The following SEM1 variants were observed in gnomAD, a reference collection of about 807,000 sequenced individuals.
SEM1 encodes SEM1 26S proteasome subunit, also known as 26S proteasome complex subunit SEM1.
A neutral mutation model predicts 12.7 loss-of-function variants in SEM1; 3 were observed. That is an observed-to-expected ratio of 0.24 (90% CI 0.11 to 0.61). SEM1 has a LOEUF of 0.61. Among genes scored for constraint, SEM1 ranks in the 20% least tolerant of loss-of-function variants. The pLI is 0.88. For synonymous variants in SEM1, 30 were observed against 27.8 expected, an observed-to-expected ratio of 1.08 and a Z score of -0.25; for missense variants, 59 against 81.3, an observed-to-expected ratio of 0.73 and a Z score of 1.06.
At chr7:96,646,095 T>C (rs1808784053) in intron 2 of SEM1, among the ~76,000 whole-genome samples, 1 of 152,210 alleles carries the variant, frequency 6.6e-6, no homozygotes, top group Non-Finnish European at 1.5e-5. Flanking sequence ...TAAGATGTAC[T>C]TCTCCATGGT....
chr7:96,655,196 A>G (rs955614206), intron 2 of SEM1, among the ~76,000 whole-genome samples: 1 of 152,276 alleles, frequency 6.6e-6, no homozygotes, highest in Admixed American at 6.5e-5. Flanking sequence ...ACCAGAGACT[A>G]AAATGTTTAA....
intron 2 of SEM1, among the ~76,000 whole-genome samples, chr7:96,543,980 C>T (rs1255051389): frequency 6.6e-6 from 1 of 152,054 alleles, no homozygotes; most frequent in African/African-American, 2.4e-5. Context: ...AATTTCTAAG[C>T]AGGAGTGTCC....
chr7:96,487,506 C>T lies in SEM1; in HGVS notation c.13-1089G>A, dbSNP rs80140989. Among the ~76,000 whole-genome samples the T allele has an allele frequency of 4.4e-4, 66 of 149,996 alleles. 1 individual carries two copies. In the East Asian group the frequency reaches 0.01, roughly 23 times the overall value. ...TGTGCCCTACGGTGAGTGGCTGACT[C>T]GCCTCACTCTAGTGCCAACCCTGTA... On this transcript the variant is annotated intron_variant, in intron 1 of 3. Transcript: ENST00000356686.
intron 2 of SEM1, chr7:96,486,146 G>A: frequency 7.7e-7 from 1 of 1,307,126 alleles, no homozygotes; most frequent in Non-Finnish European, 1.0e-6. Flanking sequence ...AAGACTTAGA[G>A]AGTTAATTTT....
chr7:96,578,148 C>G (rs1457696593), intron 2 of SEM1, among the ~76,000 whole-genome samples: 1 of 151,986 alleles, frequency 6.6e-6, no homozygotes, highest in African/African-American at 2.4e-5. Flanking sequence ...TCTAACAAAT[C>G]TCTAATCAAA....
intron 2 of SEM1, among the ~76,000 whole-genome samples, chr7:96,538,416 G>T (rs866227258): frequency 7.9e-5 from 12 of 151,796 alleles, no homozygotes; most frequent in Admixed American, 1.3e-4. Flanking sequence ...GAGGCAAATA[G>T]GCCTTCAGTG....
At chr7:96,684,695 G>C (rs1215805684), downstream of SEM1, among the ~76,000 whole-genome samples, 1 of 152,080 alleles carries the variant, frequency 6.6e-6, no homozygotes, top group Non-Finnish European at 1.5e-5. Context: ...GGGAAGACTG[G>C]AGGAAAGATC....
chr7:96,612,320 C>T (rs1807564827), intron 2 of SEM1, among the ~76,000 whole-genome samples: 1 of 152,160 alleles, frequency 6.6e-6, no homozygotes, highest in South Asian at 2.1e-4. Context: ...TCCTGCCAAC[C>T]AAGACATAGA....
In SEM1 at chr7:96,694,719, G is replaced by A. The variant is rs1269972244; in HGVS notation, c.170+79C>T. On this transcript the variant is annotated intron_variant, in intron 2 of 2. Transcript: ENST00000248566. ...TCAAAGATTAAGTAGCTTTTAAGAG[G>A]TTAATCATCTATGTAAATTACATAT... The A allele has an allele frequency of 7.5e-6, 7 of 934,650 alleles. No individual in the cohort carries two copies. In the Admixed American group the frequency reaches 1.1e-4, roughly 15 times the overall value. 57.9% of individuals were successfully genotyped at this position (934,650 alleles called of 1,614,324 possible).
At chr7:96,513,787 C>T (rs865992365) in intron 2 of SEM1, among the ~76,000 whole-genome samples, 5 of 152,070 alleles carry the variant, frequency 3.3e-5, no homozygotes, top group Middle Eastern at 3.4e-3. Flanking sequence ...GGAGATCATG[C>T]CACTGAACTC....
chr7:96,508,241 G>C (rs1014052417), intron 2 of SEM1, among the ~76,000 whole-genome samples: 1 of 151,978 alleles, frequency 6.6e-6, no homozygotes, highest in Admixed American at 6.6e-5. Context: ...AATATTCTCT[G>C]TAAGTTTTTG....
At chr7:96,551,248 T>C (rs1190303086) in intron 2 of SEM1, among the ~76,000 whole-genome samples, 1 of 152,162 alleles carries the variant, frequency 6.6e-6, no homozygotes, top group African/African-American at 2.4e-5. Context: ...GGTTGAATGG[T>C]GCACCCTTCC....
At chr7:96,577,999 G>T (rs546471317) in intron 2 of SEM1, among the ~76,000 whole-genome samples, 1 of 151,902 alleles carries the variant, frequency 6.6e-6, no homozygotes, top group South Asian at 2.1e-4. Context: ...AGAAGTAAAA[G>T]ACTATGAAAA....
intron 1 of SEM1, among the ~76,000 whole-genome samples, chr7:96,494,805 A>G (rs1233662007): frequency 6.7e-6 from 1 of 149,776 alleles, no homozygotes; most frequent in Non-Finnish European, 1.5e-5. Context: ...GGCCATAGAA[A>G]TATTGTGAAA....
chr7:96,590,266 G>A (rs1226705404), intron 2 of SEM1, among the ~76,000 whole-genome samples: 3 of 152,050 alleles, frequency 2.0e-5, no homozygotes, highest in Non-Finnish European at 4.4e-5. Flanking sequence ...ATTTTTGTTA[G>A]TATAATTATG....
chr7:96,627,886 A>C (rs532482649), intron 2 of SEM1, among the ~76,000 whole-genome samples: 1 of 152,054 alleles, frequency 6.6e-6, no homozygotes, highest in East Asian at 1.9e-4. Context: ...CTTAACTATG[A>C]TTGTATTGGA....
intron 2 of SEM1, among the ~76,000 whole-genome samples, chr7:96,562,325 T>C (rs1223053709): frequency 6.6e-6 from 1 of 152,226 alleles, no homozygotes; most frequent in Non-Finnish European, 1.5e-5. Flanking sequence ...ATTCATCATT[T>C]GTTAATTCAT....
chr7:96,676,395 T>C (rs1207466382), intron 2 of SEM1, among the ~76,000 whole-genome samples: 1 of 152,170 alleles, frequency 6.6e-6, no homozygotes, highest in Admixed American at 6.6e-5. Context: ...CAACAATTCA[T>C]CCTCCTATGA....
At chr7:96,674,187 TCTTC>T (rs1194441793) in intron 2 of SEM1, among the ~76,000 whole-genome samples, 5 of 152,298 alleles carry the variant, frequency 3.3e-5, no homozygotes, top group African/African-American at 9.6e-5. Flanking sequence ...TCCACTTCTG[TCTTC>T]CTTGTCTCCA....
Sources: gnomAD v4.1 joint callset for allele counts (sites outside exome capture counted in the v4.1 genomes callset) on GRCh38, gnomAD v4.1.1 for gene constraint, MANE v1.5 for transcripts, NCBI Gene and HGNC (gene_info 2026-07-23, HGNC 2026-07-21) for gene names.